Variants in PEPD observed in about 807,000 individuals in gnomAD.
The protein encoded by PEPD is peptidase D, also known as xaa-Pro dipeptidase.
Under a neutral mutation model 60.7 loss-of-function variants are expected in PEPD, and 53 were observed. The observed-to-expected ratio is 0.87, with a 90% CI of 0.70 to 1.10. PEPD has a LOEUF of 1.10. PEPD is among the 50% of genes least tolerant of loss of function. The pLI is 0.00. For missense variants in PEPD, 711 were observed against 711.9 expected (o/e 1.00, Z 0.01); for synonymous variants, 267 against 284.1 (o/e 0.94, Z 0.60).
At chr19:33,460,519 C>A (rs899288265) in intron 9 of PEPD, among the ~76,000 whole-genome samples, 4 of 152,136 alleles carry the variant, frequency 2.6e-5, no homozygotes, top group African/African-American at 4.8e-5. Context: ...GAGGGGGTGA[C>A]CCCTCTCTCC....
At chr19:33,392,288 G>A (rs1005292385) in intron 12 of PEPD, among the ~76,000 whole-genome samples, 1 of 152,240 alleles carries the variant, frequency 6.6e-6, no homozygotes, top group African/African-American at 2.4e-5. Context: ...CTGGAGCATG[G>A]CCGCTAGGAA....
rs567807114 is a variant in PEPD at position 33,445,972 on chromosome 19, G to T, written c.671+17023C>A. 9.2e-5 allele frequency among the ~76,000 whole-genome samples: 14 copies of T among 152,284 alleles called. No homozygotes were observed. The South Asian group carries it at 2.9e-3, about 32-fold the overall frequency. On this transcript the variant is annotated intron_variant, in intron 9 of 14. Transcript: ENST00000244137. Reference sequence around the variant, plus strand: ...GAAATCCACGACCTCTAGCCTGCCTGCCCCTGCCCCCACCACCAAGGAAGG... The same window carrying T: ...GAAATCCACGACCTCTAGCCTGCCTTCCCCTGCCCCCACCACCAAGGAAGG...
chr19:33,459,466 C>G (rs541429811), intron 9 of PEPD, among the ~76,000 whole-genome samples: 2 of 152,272 alleles, frequency 1.3e-5, no homozygotes, highest in South Asian at 4.1e-4. Flanking sequence ...GCTGGGTACG[C>G]CACTAACATG....
intron 9 of PEPD, among the ~76,000 whole-genome samples, chr19:33,425,297 AAAAC>A (rs113458763): frequency 1.9e-4 from 28 of 151,212 alleles, no homozygotes; most frequent in South Asian, 1.0e-3. Context: ...ATTCAGTCTC[AAAAC>A]AAACAAACAA....
chr19:33,490,135 A>T, intron 5 of PEPD, 78 bp from the exon 6 acceptor site: 4 of 988,484 alleles, frequency 4.0e-6, no homozygotes, highest in Non-Finnish European at 6.4e-6. Flanking sequence ...GCCTCCAGCT[A>T]GGCTCAGGAC....
intron 9 of PEPD, among the ~76,000 whole-genome samples, chr19:33,422,775 T>A (rs1169975161): frequency 7.0e-6 from 1 of 142,978 alleles, no homozygotes; most frequent in Non-Finnish European, 1.5e-5. Context: ...TTATCATTGA[T>A]CCATCCCTCC....
In PEPD at chr19:33,436,733, C is replaced by T. The variant is rs1329351515; in HGVS notation, c.672-23090G>A. ...GAGCCAGCGCTCTGGGGTCACTGGC[C>T]TGCCCACCCCTGCCTTCCGGGAGGG... On this transcript the variant is annotated intron_variant, in intron 9 of 14. Transcript: ENST00000244137. Among the ~76,000 whole-genome samples, 3 of 152,252 alleles carry T rather than the reference C, an allele frequency of 2.0e-5. No individual in the cohort carries two copies. In the East Asian group the frequency reaches 5.8e-4, roughly 29 times the overall value.
chr19:33,418,388 A>T (rs574157725), intron 9 of PEPD, among the ~76,000 whole-genome samples: 92 of 152,320 alleles, frequency 6.0e-4, no homozygotes, highest in Admixed American at 1.6e-3. Context: ...TATGGTCCCC[A>T]AAGTGGGAGC....
rs140549619 is a variant in PEPD at position 33,416,972 on chromosome 19, G to C, written c.672-3329C>G. On this transcript the variant is annotated intron_variant, in intron 9 of 14. Transcript: ENST00000244137. ...GAATGGGGTCCCCAGAGACGGCGTCGCTGGGCCTCCCACTGGGACCCACAA... is the reference window on the plus strand; with the variant it reads ...GAATGGGGTCCCCAGAGACGGCGTCCCTGGGCCTCCCACTGGGACCCACAA... Among the ~76,000 whole-genome samples, 451 of 152,312 alleles carry C rather than the reference G, an allele frequency of 3.0e-3. 1 individual carries two copies. The highest frequency in any genetic ancestry group is 0.01 in the Middle Eastern group (3 of 294).
At chr19:33,409,260 G>T (rs28689746) in intron 11 of PEPD, among the ~76,000 whole-genome samples, 2,579 of 152,354 alleles carry the variant, frequency 0.017, 72 homozygotes, top group East Asian at 0.085. Context: ...CAGCCACCCA[G>T]AAGTGCCCCC....
intron 9 of PEPD, among the ~76,000 whole-genome samples, chr19:33,444,834 G>A (rs995674091): frequency 1.5e-4 from 23 of 152,116 alleles, no homozygotes; most frequent in Middle Eastern, 3.4e-3. Context: ...CGTGGCAAGT[G>A]CCGGAGATCC....
At chr19:33,477,745 C>T (rs1007337408) in intron 7 of PEPD, among the ~76,000 whole-genome samples, 4 of 152,226 alleles carry the variant, frequency 2.6e-5, no homozygotes, top group Admixed American at 1.3e-4. Context: ...CTGCCCTTTT[C>T]ACCATCTACC....
chr19:33,477,728 T>C (rs1386897902), intron 7 of PEPD, among the ~76,000 whole-genome samples: 2 of 152,254 alleles, frequency 1.3e-5, no homozygotes, highest in Non-Finnish European at 2.9e-5. Context: ...ATGTGTTATG[T>C]TTATTTCTGC....
chr19:33,441,461 G>A (rs768501204), intron 9 of PEPD, among the ~76,000 whole-genome samples: 32 of 152,202 alleles, frequency 2.1e-4, no homozygotes, highest in Admixed American at 1.2e-3. Flanking sequence ...GCACAGTCCC[G>A]GGGAGGCCGC....
intron 12 of PEPD, among the ~76,000 whole-genome samples, chr19:33,392,659 C>T (rs1439372146): frequency 2.6e-5 from 4 of 152,326 alleles, no homozygotes; most frequent in South Asian, 4.1e-4. Context: ...CCTTGGCTCC[C>T]GAGGGCCTCC....
intron 9 of PEPD, among the ~76,000 whole-genome samples, chr19:33,424,859 G>T (rs1055739838): frequency 1.3e-5 from 2 of 152,034 alleles, no homozygotes; most frequent in Non-Finnish European, 2.9e-5. Flanking sequence ...AGTGGAAGGG[G>T]TTTCCCCTTA....
chr19:33,431,582 T>A (rs1218843284), intron 9 of PEPD, among the ~76,000 whole-genome samples: 1 of 152,214 alleles, frequency 6.6e-6, no homozygotes, highest in Non-Finnish European at 1.5e-5. Context: ...GGGAAGGACA[T>A]CCTCGGAGAC....
At chr19:33,408,110 G>A (rs573400274) in intron 11 of PEPD, among the ~76,000 whole-genome samples, 9 of 152,370 alleles carry the variant, frequency 5.9e-5, no homozygotes, top group Admixed American at 4.6e-4. Flanking sequence ...GGGTAAGGAC[G>A]GAGCAGTAGG....
At chr19:33,484,243 A>C (rs1203752692) in intron 6 of PEPD, among the ~76,000 whole-genome samples, 1 of 152,212 alleles carries the variant, frequency 6.6e-6, no homozygotes, top group Non-Finnish European at 1.5e-5. Flanking sequence ...CATAAATCAA[A>C]ACTACAAAAT....
Sources: gnomAD v4.1 joint callset for allele counts (sites outside exome capture counted in the v4.1 genomes callset) on GRCh38, gnomAD v4.1.1 for gene constraint, MANE v1.5 for transcripts, NCBI Gene and HGNC (gene_info 2026-07-23, HGNC 2026-07-21) for gene names.